PTPRT: variants seen among roughly 807,000 people sequenced by gnomAD.
The protein encoded by PTPRT is receptor-type tyrosine-protein phosphatase T.
A neutral mutation model predicts 176.8 loss-of-function variants in PTPRT; 56 were observed. That is an observed-to-expected ratio of 0.32 (90% confidence interval 0.26 to 0.40). PTPRT has a LOEUF of 0.40. PTPRT is among the 10% of genes least tolerant of loss of function. PTPRT has a pLI of 1.00. For synonymous variants in PTPRT, 783 were observed against 739.0 expected, an observed-to-expected ratio of 1.06 and a Z score of -0.96; for missense variants, 1,540 against 1,908.2, an observed-to-expected ratio of 0.81 and a Z score of 3.60.
At chr20:42,398,861 G>T (rs1405006034) in intron 9 of PTPRT, among the ~76,000 whole-genome samples, 1 of 152,166 alleles carries the variant, frequency 6.6e-6, no homozygotes, top group African/African-American at 2.4e-5. Context: ...AGAACTGCTC[G>T]ATGTCATTCA....
chr20:42,264,793 G>A lies in PTPRT; in HGVS notation c.2177-15971C>T, dbSNP rs575333137. ...CCACCTTATATCCTAAAGCTTTGAT[G>A]AGCCCTGATTCATGACTTCTATTTG... is the stretch of plus-strand genomic sequence containing the variant. On this transcript the variant is annotated intron_variant, in intron 13 of 30. Transcript: ENST00000373187. Among the ~76,000 whole-genome samples, 17 of 152,330 alleles carry A rather than the reference G, an allele frequency of 1.1e-4. No individual in the cohort carries two copies. The South Asian group carries it at 2.1e-3, about 19-fold the overall frequency.
intron 9 of PTPRT, among the ~76,000 whole-genome samples, chr20:42,423,049 T>C (rs2059133309): frequency 6.6e-6 from 1 of 151,032 alleles, no homozygotes; most frequent in Non-Finnish European, 1.5e-5. Context: ...TTTCAGAGGG[T>C]GGAAGGTGGG....
intron 7 of PTPRT, among the ~76,000 whole-genome samples, chr20:42,624,971 G>A (rs953300278): frequency 6.6e-6 from 1 of 152,164 alleles, no homozygotes; most frequent in East Asian, 1.9e-4. Flanking sequence ...AATTTGGCTT[G>A]AGGCATCCTG....
At chr20:42,458,818 C>A (rs1207824928) in intron 8 of PTPRT, among the ~76,000 whole-genome samples, 4 of 152,102 alleles carry the variant, frequency 2.6e-5, no homozygotes, top group South Asian at 2.1e-4. Context: ...AGAATTCATT[C>A]GTTCAATAAT....
At chr20:42,293,289 A>T (rs921208751) in intron 12 of PTPRT, among the ~76,000 whole-genome samples, 2 of 152,198 alleles carry the variant, frequency 1.3e-5, no homozygotes, top group African/African-American at 4.8e-5. Context: ...CACTAAGTCC[A>T]CTAAGACTTT....
At chr20:42,930,187 C>T (rs1979742926) in intron 1 of PTPRT, among the ~76,000 whole-genome samples, 2 of 152,188 alleles carry the variant, frequency 1.3e-5, no homozygotes, top group Admixed American at 1.3e-4. Context: ...TTTGGAAGCA[C>T]TGACAACTTT....
chr20:42,319,009 G>C (rs2057760563), intron 11 of PTPRT, among the ~76,000 whole-genome samples: 1 of 152,084 alleles, frequency 6.6e-6, no homozygotes, highest in South Asian at 2.1e-4. Flanking sequence ...TTCTCACTGG[G>C]CTCTGAACAT....
intron 1 of PTPRT, among the ~76,000 whole-genome samples, chr20:43,083,475 C>T (rs2011522599): frequency 6.6e-6 from 1 of 150,522 alleles, no homozygotes; most frequent in South Asian, 2.1e-4. Flanking sequence ...CTTCTCCTGC[C>T]TCAGCCTCCC....
intron 9 of PTPRT, among the ~76,000 whole-genome samples, chr20:42,371,919 T>C (rs557193629): frequency 7.9e-5 from 12 of 152,268 alleles, no homozygotes; most frequent in African/African-American, 2.6e-4. Context: ...TGGCAGGTGG[T>C]TGGGGCTGAG....
At chr20:42,347,065 C>G (rs2058205169) in intron 11 of PTPRT, among the ~76,000 whole-genome samples, 1 of 152,172 alleles carries the variant, frequency 6.6e-6, no homozygotes, top group Non-Finnish European at 1.5e-5. Flanking sequence ...GATACTAGGT[C>G]TATGCACTGT....
chr20:42,747,002 G>A (rs2076700731), intron 6 of PTPRT, among the ~76,000 whole-genome samples: 1 of 152,160 alleles, frequency 6.6e-6, no homozygotes, highest in African/African-American at 2.4e-5. Flanking sequence ...TGGGTAAGTA[G>A]CATGGCTCTG....
At chr20:42,096,832 T>A (rs1033037465) in intron 27 of PTPRT, among the ~76,000 whole-genome samples, 1 of 144,082 alleles carries the variant, frequency 6.9e-6, no homozygotes, top group Non-Finnish European at 1.5e-5. Context: ...ACTCTTGGCC[T>A]CCCAAAGTGC....
chr20:42,360,222 T>A (rs1057328499), intron 9 of PTPRT, among the ~76,000 whole-genome samples: 1 of 152,152 alleles, frequency 6.6e-6, no homozygotes, highest in Non-Finnish European at 1.5e-5. Context: ...CCAGACACAC[T>A]TTAGGTGAGT....
chr20:43,128,575 A>G (rs1283574638), intron 1 of PTPRT, among the ~76,000 whole-genome samples: 1 of 152,238 alleles, frequency 6.6e-6, no homozygotes, highest in Non-Finnish European at 1.5e-5. Context: ...TGGGTAGGTC[A>G]CCAAATGAGA....
At chr20:42,634,911 T>C (rs1328679683) in intron 7 of PTPRT, among the ~76,000 whole-genome samples, 1 of 152,154 alleles carries the variant, frequency 6.6e-6, no homozygotes, top group Non-Finnish European at 1.5e-5. Flanking sequence ...GGTAAGTCTT[T>C]TTTATTTCCA....
intron 4 of PTPRT, among the ~76,000 whole-genome samples, chr20:42,777,335 G>A (rs780874630): frequency 3.3e-5 from 5 of 152,022 alleles, no homozygotes; most frequent in Admixed American, 6.6e-5. Flanking sequence ...AGCCAACTCC[G>A]TGTGCAGGGC....
chr20:43,016,791 C>T (rs1461774376), intron 1 of PTPRT, among the ~76,000 whole-genome samples: 1 of 151,806 alleles, frequency 6.6e-6, no homozygotes, highest in Non-Finnish European at 1.5e-5. Context: ...CCCACCTCGG[C>T]CTCCCAAAGT....
intron 4 of PTPRT, among the ~76,000 whole-genome samples, 187 bp from the exon 5 acceptor site, chr20:42,771,737 G>A (rs1246663022): frequency 6.6e-6 from 1 of 152,186 alleles, no homozygotes; most frequent in Non-Finnish European, 1.5e-5. Flanking sequence ...TTTACACGCA[G>A]AATCTCACTG....
intron 1 of PTPRT, among the ~76,000 whole-genome samples, chr20:43,106,924 G>A (rs1341312009): frequency 2.0e-5 from 3 of 151,918 alleles, no homozygotes; most frequent in Non-Finnish European, 2.9e-5. Context: ...CCGAGTAGCT[G>A]GGAATACAGG....
Sources: allele counts gnomAD v4.1 joint callset (sites outside exome capture counted in the v4.1 genomes callset), GRCh38; gene constraint gnomAD v4.1.1; transcripts MANE v1.5; gene names NCBI Gene and HGNC (gene_info 2026-07-23, HGNC 2026-07-21).